The following CD200R1 variants were observed in gnomAD, a reference collection of about 807,000 sequenced individuals.
CD200R1 encodes CD200 receptor 1, also known as cell surface glycoprotein CD200 receptor 1.
A neutral mutation model predicts 38.1 loss-of-function variants in CD200R1; 30 were observed. The observed-to-expected ratio is 0.79, with a 90% CI of 0.59 to 1.07. The LOEUF (loss-of-function observed/expected upper bound fraction) is 1.07. CD200R1 is among the 50% of genes least tolerant of loss of function. CD200R1 has a pLI of 0.00. For synonymous variants in CD200R1, 128 were observed against 152.1 expected, an observed-to-expected ratio of 0.84 and a Z score of 1.16; for missense variants, 372 against 415.4, an observed-to-expected ratio of 0.90 and a Z score of 0.91.
chr3:112,945,958 G>A (rs369516510), intron 2 of CD200R1, among the ~76,000 whole-genome samples: 1 of 150,516 alleles, frequency 6.6e-6, no homozygotes, highest in Non-Finnish European at 1.5e-5. Context: ...GCGTGAACCC[G>A]GGAGGCGGAG....
chr3:112,938,704 C>T (rs1398190325), intron 2 of CD200R1, among the ~76,000 whole-genome samples: 2 of 152,016 alleles, frequency 1.3e-5, no homozygotes, highest in Non-Finnish European at 2.9e-5. Context: ...CCTTGATACA[C>T]AGATGAAATA....
chr3:112,953,553 T>A (rs563830846), intron 1 of CD200R1, among the ~76,000 whole-genome samples: 1 of 152,328 alleles, frequency 6.6e-6, no homozygotes, highest in South Asian at 2.1e-4. Flanking sequence ...TTGGTAGAAT[T>A]CAGCAGTGAA....
chr3:112,946,966 T>G (rs555508143), intron 2 of CD200R1, among the ~76,000 whole-genome samples: 3 of 151,612 alleles, frequency 2.0e-5, no homozygotes, highest in Non-Finnish European at 4.4e-5. Flanking sequence ...AAAAGAGCCA[T>G]TAAGACATGG....
chr3:112,962,233 T>C (rs1271786678), intron 1 of CD200R1, among the ~76,000 whole-genome samples: 1 of 152,174 alleles, frequency 6.6e-6, no homozygotes, highest in African/African-American at 2.4e-5. Context: ...CCAAAACTAC[T>C]TAATGAAGAC....
At chr3:112,943,759 A>C (rs1382388389) in intron 2 of CD200R1, among the ~76,000 whole-genome samples, 1 of 151,744 alleles carries the variant, frequency 6.6e-6, no homozygotes, top group African/African-American at 2.4e-5. Context: ...CTAATATCTG[A>C]TATGAAAGAG....
At chr3:112,937,670 T>C (rs1218680930) in intron 2 of CD200R1, among the ~76,000 whole-genome samples, 1 of 152,130 alleles carries the variant, frequency 6.6e-6, no homozygotes, top group Non-Finnish European at 1.5e-5. Flanking sequence ...CCTTTGCTAT[T>C]TGGGTTATGT....
chr3:112,954,679 C>CTA (rs1287009682), intron 1 of CD200R1, among the ~76,000 whole-genome samples: 1 of 152,190 alleles, frequency 6.6e-6, no homozygotes, highest in Non-Finnish European at 1.5e-5. Context: ...TTCCAGATAG[C>CTA]TAAACATATG....
chr3:112,945,888 C>T (rs576662864), intron 2 of CD200R1, among the ~76,000 whole-genome samples: 166 of 152,108 alleles, frequency 1.1e-3, no homozygotes, highest in Admixed American at 2.2e-3. Flanking sequence ...ATTAGCAGGG[C>T]GTGGTAGCTG....
intron 7 of CD200R1, 111 bp downstream of exon 7, chr3:112,924,379 G>A: frequency 1.3e-6 from 1 of 755,400 alleles, no homozygotes; most frequent in African/African-American, 1.8e-5. Context: ...AGTCAGAACT[G>A]TTTTAGTTTT....
At chr3:112,948,690 C>T (rs933909607) in intron 1 of CD200R1, among the ~76,000 whole-genome samples, 4 of 152,196 alleles carry the variant, frequency 2.6e-5, no homozygotes, top group Non-Finnish European at 4.4e-5. Context: ...TACCAGTCTG[C>T]AGCCCCAGGG....
chr3:112,929,054 T>C lies in CD200R1; in HGVS notation c.531A>G (p.Glu177=), dbSNP rs1940351926. 2 of 1,613,788 alleles carry C rather than the reference T, an allele frequency of 1.2e-6. No homozygotes were observed. The highest frequency in any genetic ancestry group is 2.7e-5 in the African/African-American group (2 of 74,942). ...GYHLQVLVTP[E]VTLFQNRNRT... is the part of the protein sequence containing the mutation. The stretch of plus-strand genomic sequence containing the variant: ...TATTCCTGTTTTGAAACAGGGTCAC[T>C]TCAGGTGTAACTGCAGAGAGGAAAG... The change falls in exon 5 of 8, where the codon GAA becomes GAG. Residue 177 remains glutamate (E), a synonymous_variant. Transcript: ENST00000308611.
chr3:112,960,871 A>AAAGT (rs35687701), intron 1 of CD200R1, among the ~76,000 whole-genome samples: 94,305 of 151,380 alleles, frequency 0.62, 30,090 homozygotes, highest in African/African-American at 0.77. Context: ...AAAGAAAACT[A>AAAGT]AAGTACAAAG....
Position 112,943,275 on chromosome 3 carries a change from G to A in CD200R1, c.136+4581C>T, listed in dbSNP as rs186288495. ...ATATAAAAAATAGAAATTACATAAT[G>A]CCTGCTTTTAGACCATGATGGAATT... On this transcript the variant is annotated intron_variant, in intron 2 of 7. Transcript: ENST00000308611. 3.0e-4 allele frequency among the ~76,000 whole-genome samples: 45 copies of A among 151,786 alleles called. 1 individual carries two copies. Among genetic ancestry groups the A allele is most frequent in the Admixed American group, 2.8e-3 (42 of 15,250 alleles).
chr3:112,951,787 A>G (rs931811424), intron 1 of CD200R1, among the ~76,000 whole-genome samples: 39 of 140,094 alleles, frequency 2.8e-4, no homozygotes, highest in Non-Finnish European at 1.5e-4. Context: ...ACAATAATGC[A>G]AAAAAAAAAG....
intron 1 of CD200R1, among the ~76,000 whole-genome samples, chr3:112,971,757 C>G (rs1472759633): frequency 6.6e-6 from 1 of 152,148 alleles, no homozygotes; most frequent in Non-Finnish European, 1.5e-5. Context: ...AGCCTTATTT[C>G]CTACTATTAT....
intron 1 of CD200R1, among the ~76,000 whole-genome samples, chr3:112,960,993 A>C (rs1490535486): frequency 6.6e-6 from 1 of 152,096 alleles, no homozygotes; most frequent in Non-Finnish European, 1.5e-5. Flanking sequence ...TATGAAACTG[A>C]TTTTAATTTT....
At chr3:112,966,575 A>C (rs1933168551) in intron 1 of CD200R1, among the ~76,000 whole-genome samples, 1 of 152,182 alleles carries the variant, frequency 6.6e-6, no homozygotes, top group South Asian at 2.1e-4. Flanking sequence ...GTAATGGATA[A>C]ACCTTTAGGA....
At chr3:112,924,109 T>G (rs769601281) in intron 7 of CD200R1, among the ~76,000 whole-genome samples, 8 of 151,974 alleles carry the variant, frequency 5.3e-5, no homozygotes, top group Non-Finnish European at 1.2e-4. Context: ...TAATAAGAGA[T>G]GAAGGAGCAG....
At chr3:112,935,365 TA>T (rs1940551252) in intron 2 of CD200R1, among the ~76,000 whole-genome samples, 1 of 152,198 alleles carries the variant, frequency 6.6e-6, no homozygotes. Context: ...AAATAATTTT[TA>T]AAAATTACAA....
Sources: allele counts gnomAD v4.1 joint callset (sites outside exome capture counted in the v4.1 genomes callset), GRCh38; gene constraint gnomAD v4.1.1; transcripts MANE v1.5; gene names NCBI Gene and HGNC (gene_info 2026-07-23, HGNC 2026-07-21).